Variants in RAB11FIP4 observed in about 807,000 individuals in gnomAD.
RAB11FIP4 encodes the protein rab11 family-interacting protein 4.
RAB11FIP4 carries 23 observed loss-of-function variants against 74.3 expected under a neutral mutation model. That is an observed-to-expected ratio of 0.31 (90% CI 0.22 to 0.44). The LOEUF is 0.44. RAB11FIP4 is among the 20% of genes least tolerant of loss of function. The pLI is 1.00. For synonymous variants in RAB11FIP4, 360 were observed against 359.9 expected, an observed-to-expected ratio of 1.00 and a Z score of 0.00; for missense variants, 630 against 863.9, an observed-to-expected ratio of 0.73 and a Z score of 3.39.
At chr17:31,414,423 G>A (rs1232116304) in intron 1 of RAB11FIP4, among the ~76,000 whole-genome samples, 1 of 152,230 alleles carries the variant, frequency 6.6e-6, no homozygotes, top group Non-Finnish European at 1.5e-5. Context: ...ATGGGCGGAT[G>A]CCTGCAGAGG....
chr17:31,497,018 G>C (rs2072129006), intron 3 of RAB11FIP4, among the ~76,000 whole-genome samples: 1 of 152,178 alleles, frequency 6.6e-6, no homozygotes, highest in African/African-American at 2.4e-5. Flanking sequence ...GAAATACCTG[G>C]CACACAATAG....
Position 31,536,883 on chromosome 17 carries a change from G to A in RAB11FIP4, c.*5151G>A, listed in dbSNP as rs910604051. On this transcript the variant is annotated 3_prime_UTR_variant, in exon 15 of 15. Transcript: ENST00000621161. ...AGCGTAGACCCTGGGGAAGTATAAT[G>A]TCACCATGCTCACCAGGCGAGGTTT... 3 of 398,154 alleles carry A rather than the reference G, an allele frequency of 7.5e-6. No individual in the cohort carries two copies. Among genetic ancestry groups the A allele is most frequent in the Non-Finnish European group, 1.3e-5 (3 of 226,052 alleles). The allele number at this position is 398,154 out of a possible 1,614,324, so 24.7% of individuals were successfully genotyped here.
chr17:31,470,975 C>T (rs142120674), intron 3 of RAB11FIP4, among the ~76,000 whole-genome samples: 1 of 151,972 alleles, frequency 6.6e-6, no homozygotes, highest in South Asian at 2.1e-4. Context: ...TTTTTAAATA[C>T]AGAAACTTTT....
intron 3 of RAB11FIP4, among the ~76,000 whole-genome samples, chr17:31,456,456 C>G (rs561263606): frequency 2.6e-5 from 4 of 152,372 alleles, no homozygotes; most frequent in South Asian, 4.1e-4. Context: ...ATCCGCCCCC[C>G]TCAGCCTCCC....
chr17:31,431,944 G>A, intron 2 of RAB11FIP4, 44 bp downstream of exon 2: 1 of 1,423,756 alleles, frequency 7.0e-7, no homozygotes, highest in Non-Finnish European at 9.9e-7. Context: ...CTCCGGTCCT[G>A]CCCAGCTGGG....
chr17:31,456,369 G>T (rs1221695718), intron 3 of RAB11FIP4, among the ~76,000 whole-genome samples: 1 of 152,104 alleles, frequency 6.6e-6, no homozygotes, highest in Non-Finnish European at 1.5e-5. Flanking sequence ...ACCACTCTCA[G>T]TTAACGTTTG....
At chr17:31,500,723 A>C (rs1047384912) in intron 3 of RAB11FIP4, among the ~76,000 whole-genome samples, 26 of 152,226 alleles carry the variant, frequency 1.7e-4, no homozygotes, top group African/African-American at 6.3e-4. Flanking sequence ...TACTGAGAGA[A>C]TGCACAAGAA....
chr17:31,467,078 G>A (rs1322138451), intron 3 of RAB11FIP4, among the ~76,000 whole-genome samples: 1 of 150,500 alleles, frequency 6.6e-6, no homozygotes, highest in African/African-American at 2.5e-5. Context: ...CATACCTCCT[G>A]CATCTAGCTC....
chr17:31,396,691 T>G (rs570911504), intron 1 of RAB11FIP4, among the ~76,000 whole-genome samples: 7 of 152,264 alleles, frequency 4.6e-5, no homozygotes, highest in Non-Finnish European at 8.8e-5. Flanking sequence ...TTACGTCCCC[T>G]CGGCAGTCAG....
At chr17:31,494,391 T>A (rs138957543) in intron 3 of RAB11FIP4, among the ~76,000 whole-genome samples, 1 of 152,204 alleles carries the variant, frequency 6.6e-6, no homozygotes, top group Admixed American at 6.5e-5. Context: ...TATGTAAATG[T>A]ATGAAAAGCA....
At position 31,527,856 on chromosome 17, in the gene RAB11FIP4, A is replaced by G. The variant is rs770359573; in HGVS notation, c.1289A>G (p.Glu430Gly). ...CCTTTCGCCAGGGTGCAGCAGTTGG[A>G]GGAAGAAAATACAGAGCTTAGAACA... ...ELLNARVQQLEEENTELRTTV... is the reference protein window; with the variant it reads ...ELLNARVQQLGEENTELRTTV... Residue 430 changes from glutamate (E) to glycine (G), a missense_variant, in exon 11 of 15, where the codon GAG becomes GGG. Coordinates refer to ENST00000621161, the MANE Select transcript of RAB11FIP4 (RefSeq NM_032932.6). The G allele has an allele frequency of 1.2e-6, 2 of 1,606,570 alleles. No homozygotes were observed. Among genetic ancestry groups the G allele is most frequent in the African/African-American group, 2.7e-5 (2 of 74,864 alleles).
intron 1 of RAB11FIP4, among the ~76,000 whole-genome samples, chr17:31,414,834 G>A (rs999278812): frequency 2.6e-5 from 4 of 152,220 alleles, no homozygotes. Flanking sequence ...CCAGCTGTGA[G>A]AACCAGGAAG....
chr17:31,499,683 G>A (rs1388758027), intron 3 of RAB11FIP4, among the ~76,000 whole-genome samples: 1 of 152,150 alleles, frequency 6.6e-6, no homozygotes, highest in African/African-American at 2.4e-5. Context: ...GGAGGAAAAT[G>A]ATAATTACTT....
chr17:31,537,545 TGGCCCC>T lies in RAB11FIP4; in HGVS notation c.*5814_*5819del. ...AGCATCACTCTTTAACCTGGGGCATTGGCCCCAGCAGGGATATCATGGGACCGCAGC... is the reference window on the plus strand; with the variant it reads ...AGCATCACTCTTTAACCTGGGGCATTAGCAGGGATATCATGGGACCGCAGC... On this transcript the variant is annotated 3_prime_UTR_variant, in exon 15 of 15. Coordinates refer to ENST00000621161, the MANE Select transcript of RAB11FIP4 (RefSeq NM_032932.6). 1 of 215,940 alleles carries T rather than the reference TGGCCCC, an allele frequency of 4.6e-6. No individual in the cohort carries two copies. The highest frequency in any genetic ancestry group is 9.1e-6 in the Non-Finnish European group (1 of 109,476). The allele number at this position is 215,940 out of a possible 1,614,324, so 13.4% of individuals were successfully genotyped here.
At chr17:31,412,173 T>C (rs2071103405) in intron 1 of RAB11FIP4, among the ~76,000 whole-genome samples, 1 of 152,062 alleles carries the variant, frequency 6.6e-6, no homozygotes, top group Admixed American at 6.5e-5. Flanking sequence ...AGACAGTTCA[T>C]CCTCTAGGGG....
intron 3 of RAB11FIP4, among the ~76,000 whole-genome samples, chr17:31,450,810 T>TGTTCC (rs1252072314): frequency 0.011 from 1,720 of 152,150 alleles, 34 homozygotes; most frequent in African/African-American, 0.035. Flanking sequence ...TGGCGCACCC[T>TGTTCC]CTGCATTTCC....
chr17:31,473,382 A>C lies in RAB11FIP4; in HGVS notation c.336+39260A>C, dbSNP rs915330382. ...AAGCAAGACCCAGTCTCTACCAAAAAAAAAAAAAAAATTAGCTGGGCATGG... is the reference window on the plus strand; with the variant it reads ...AAGCAAGACCCAGTCTCTACCAAAACAAAAAAAAAAATTAGCTGGGCATGG... On this transcript the variant is annotated intron_variant, in intron 3 of 14. Coordinates refer to ENST00000621161, the MANE Select transcript of RAB11FIP4 (RefSeq NM_032932.6). 2.7e-3 allele frequency among the ~76,000 whole-genome samples: 410 copies of C among 149,970 alleles called. 3 individuals carry two copies. Among genetic ancestry groups the C allele is most frequent in the Non-Finnish European group, 8.2e-4 (55 of 67,320 alleles).
At chr17:31,519,831 G>A (rs994511134) in intron 4 of RAB11FIP4, among the ~76,000 whole-genome samples, 2 of 152,034 alleles carry the variant, frequency 1.3e-5, no homozygotes, top group East Asian at 3.9e-4. Flanking sequence ...CGTGCTGCTC[G>A]TGCTGCTCTC....
At chr17:31,410,293 G>A (rs1424660126) in intron 1 of RAB11FIP4, among the ~76,000 whole-genome samples, 2 of 152,152 alleles carry the variant, frequency 1.3e-5, no homozygotes, top group Admixed American at 1.3e-4. Flanking sequence ...GGGATTGTGC[G>A]CTTGCTGCTG....
Sources: allele counts gnomAD v4.1 joint callset (sites outside exome capture counted in the v4.1 genomes callset), GRCh38; gene constraint gnomAD v4.1.1; transcripts MANE v1.5; gene names NCBI Gene and HGNC (gene_info 2026-07-23, HGNC 2026-07-21).